RBFOX1: variants seen among roughly 807,000 people sequenced by gnomAD.
RBFOX1 encodes RNA binding fox-1 homolog 1.
A neutral mutation model predicts 57.7 loss-of-function variants in RBFOX1; 8 were observed. That is an observed-to-expected ratio of 0.14 (90% CI 0.08 to 0.25). The LOEUF (loss-of-function observed/expected upper bound fraction) is 0.25, where lower values mean the gene tolerates loss of function less well. RBFOX1 is among the 10% of genes least tolerant of loss of function. RBFOX1 has a pLI of 1.00. For synonymous variants in RBFOX1, 326 were observed against 222.4 expected, an observed-to-expected ratio of 1.47 and a Z score of -4.15; for missense variants, 611 against 548.5, an observed-to-expected ratio of 1.11 and a Z score of -1.14.
chr16:6,742,028 A>G (rs2072322372), intron 3 of RBFOX1, among the ~76,000 whole-genome samples: 1 of 152,206 alleles, frequency 6.6e-6, no homozygotes, highest in Non-Finnish European at 1.5e-5. Context: ...GTGGTTCTGC[A>G]TATGTTCATT....
At chr16:5,936,417 C>T (rs936696779) in intron 4 of RBFOX1, among the ~76,000 whole-genome samples, 1 of 152,186 alleles carries the variant, frequency 6.6e-6, no homozygotes, top group African/African-American at 2.4e-5. Context: ...AGCCACTGCA[C>T]CTGGCCATTA....
intron 2 of RBFOX1, among the ~76,000 whole-genome samples, chr16:5,516,593 C>G (rs2043801307): frequency 6.6e-6 from 1 of 152,180 alleles, no homozygotes; most frequent in African/African-American, 2.4e-5. Context: ...AGTAGGCCCT[C>G]AATAAATCTT....
chr16:6,250,672 G>T (rs1002086976), intron 1 of RBFOX1, among the ~76,000 whole-genome samples: 2 of 152,130 alleles, frequency 1.3e-5, no homozygotes, highest in African/African-American at 2.4e-5. Flanking sequence ...ACCAGTCGGG[G>T]AAGCCTGCCG....
At chr16:5,909,346 C>T (rs376741269) in intron 4 of RBFOX1, among the ~76,000 whole-genome samples, 1 of 152,110 alleles carries the variant, frequency 6.6e-6, no homozygotes, top group Admixed American at 6.5e-5. Flanking sequence ...CATGCCTTGG[C>T]CTCCCAAAGT....
chr16:6,847,872 C>T (rs954295248), intron 3 of RBFOX1, among the ~76,000 whole-genome samples: 1 of 152,052 alleles, frequency 6.6e-6, no homozygotes, highest in Admixed American at 6.6e-5. Flanking sequence ...GAGTCTTGGT[C>T]TGTCAGTCAG....
chr16:6,503,764 G>C (rs1360229224), intron 2 of RBFOX1, among the ~76,000 whole-genome samples: 1 of 152,158 alleles, frequency 6.6e-6, no homozygotes, highest in Admixed American at 6.5e-5. Flanking sequence ...ATCCCAGAGT[G>C]AGTGATGTCT....
intron 4 of RBFOX1, among the ~76,000 whole-genome samples, chr16:5,988,616 G>A (rs935345824): frequency 3.9e-5 from 6 of 152,222 alleles, no homozygotes; most frequent in East Asian, 1.9e-4. Context: ...GCCGTGACAC[G>A]GACAGCCTCG....
At chr16:6,224,554 A>G (rs2097401692) in intron 1 of RBFOX1, among the ~76,000 whole-genome samples, 1 of 152,092 alleles carries the variant, frequency 6.6e-6, no homozygotes, top group African/African-American at 2.4e-5. Context: ...TTTTAAAGTC[A>G]CTGCAGTTGG....
At chr16:6,084,329 G>A (rs887427340) in intron 1 of RBFOX1, among the ~76,000 whole-genome samples, 1 of 151,906 alleles carries the variant, frequency 6.6e-6, no homozygotes, top group African/African-American at 2.4e-5. Flanking sequence ...CGGCAGCCTC[G>A]ACCTCCCAGA....
intron 4 of RBFOX1, among the ~76,000 whole-genome samples, chr16:7,494,200 G>T (rs538032185): frequency 1.3e-5 from 2 of 152,128 alleles, no homozygotes; most frequent in African/African-American, 4.8e-5. Flanking sequence ...TGCAATTCTC[G>T]TTTTGAGCAT....
chr16:7,640,328 A>G (rs938291145), intron 11 of RBFOX1, among the ~76,000 whole-genome samples: 4 of 152,240 alleles, frequency 2.6e-5, no homozygotes, highest in Non-Finnish European at 5.9e-5. Flanking sequence ...GGCAGCTGCC[A>G]TGCAGCTCTC....
rs112799184 is a variant in RBFOX1 at position 5,923,406 on chromosome 16, C to T, written c.351+56071C>T. On this transcript the variant is annotated intron_variant, in intron 4 of 19. Transcript: ENST00000641259. ...GTGGAGGTTGAATAATGAGGGCCTT[C>T]AGGATTAGCCCCAGCTCCAGCAAGG... Among the ~76,000 whole-genome samples the T allele has an allele frequency of 3.0e-3, 457 of 151,800 alleles. 5 individuals carry two copies. The highest frequency in any genetic ancestry group is 0.024 in the Middle Eastern group (7 of 292).
chr16:5,516,636 C>T (rs1181267011), intron 2 of RBFOX1, among the ~76,000 whole-genome samples: 1 of 152,060 alleles, frequency 6.6e-6, no homozygotes, highest in Non-Finnish European at 1.5e-5. Context: ...TATTTCCACC[C>T]AAATCTCATC....
At chr16:6,902,576 G>A (rs138413306) in intron 3 of RBFOX1, among the ~76,000 whole-genome samples, 1 of 152,080 alleles carries the variant, frequency 6.6e-6, no homozygotes, top group Non-Finnish European at 1.5e-5. Context: ...ACAAAAATTG[G>A]CCAAGTATGG....
intron 3 of RBFOX1, among the ~76,000 whole-genome samples, chr16:6,925,627 AATAAG>A (rs2075435101): frequency 6.6e-6 from 1 of 151,986 alleles, no homozygotes; most frequent in East Asian, 1.9e-4. Context: ...GGCATCAGTA[AATAAG>A]ATAGTGGCTA....
chr16:5,660,441 C>T (rs1780101027), intron 3 of RBFOX1, among the ~76,000 whole-genome samples: 1 of 152,156 alleles, frequency 6.6e-6, no homozygotes. Context: ...CCTCTAGATG[C>T]TTGTCTCAGA....
chr16:6,031,704 G>A (rs1467280398), intron 1 of RBFOX1, among the ~76,000 whole-genome samples: 2 of 152,206 alleles, frequency 1.3e-5, no homozygotes, highest in Admixed American at 6.5e-5. Flanking sequence ...AAGGAGCCAC[G>A]AACAGTATGA....
At chr16:6,876,445 G>C (rs117505233) in intron 3 of RBFOX1, among the ~76,000 whole-genome samples, 1,833 of 152,128 alleles carry the variant, frequency 0.012, 22 homozygotes, top group Non-Finnish European at 0.02. Context: ...AAAATGAAGT[G>C]ATATCAAAAA....
intron 2 of RBFOX1, among the ~76,000 whole-genome samples, chr16:6,381,527 A>T (rs1274507930): frequency 6.6e-6 from 1 of 152,228 alleles, no homozygotes. Flanking sequence ...TGACCATGCT[A>T]ACTTTTAAAC....
Sources: gnomAD v4.1 joint callset for allele counts (sites outside exome capture counted in the v4.1 genomes callset) on GRCh38, gnomAD v4.1.1 for gene constraint, MANE v1.5 for transcripts, NCBI Gene and HGNC (gene_info 2026-07-23, HGNC 2026-07-21) for gene names.